Variants in ASAP1 observed in about 807,000 individuals in gnomAD.
ASAP1 encodes arf-GAP with SH3 domain, ANK repeat and PH domain-containing protein 1.
In ASAP1, 43 loss-of-function variants were observed where a neutral mutation model predicts 145.2. That is an observed-to-expected ratio of 0.30 (90% CI 0.23 to 0.38). The LOEUF (loss-of-function observed/expected upper bound fraction) is 0.38. Ranked by LOEUF, ASAP1 falls within the 10% of genes least tolerant of loss-of-function variation. The probability of loss-of-function intolerance (pLI) is 1.00; values close to 1 mark genes in which losing one functional copy is unlikely to be tolerated. For missense variants in ASAP1, 1,018 were observed against 1,355.3 expected, an observed-to-expected ratio of 0.75 and a Z score of 3.91; for synonymous variants, 546 against 515.5, an observed-to-expected ratio of 1.06 and a Z score of -0.80.
intron 3 of ASAP1, among the ~76,000 whole-genome samples, chr8:130,276,724 A>ACTCTCTCTCTCTCT (rs1471141965): frequency 3.9e-5 from 4 of 102,630 alleles, no homozygotes; most frequent in African/African-American, 1.4e-4. Context: ...ACACACACAC[A>ACTCTCTCTCTCTCT]CACACTCTCT....
At chr8:130,222,018 C>T (rs754466389) in intron 4 of ASAP1, among the ~76,000 whole-genome samples, 79 of 152,320 alleles carry the variant, frequency 5.2e-4, no homozygotes, top group Non-Finnish European at 9.6e-4. Context: ...ACCAACTATC[C>T]ATCCTTGGCC....
At chr8:130,111,921 T>C (rs1277834225) in intron 24 of ASAP1, among the ~76,000 whole-genome samples, 173 bp downstream of exon 24, 5 of 152,226 alleles carry the variant, frequency 3.3e-5, no homozygotes, top group Non-Finnish European at 5.9e-5. Context: ...GTCCTGCTCT[T>C]GGTACCTGGC....
rs2097548028 is a variant in ASAP1 at position 130,112,202 on chromosome 8, G to A, written c.2293C>T (p.Leu765Phe). The A allele has an allele frequency of 6.2e-7, 1 of 1,614,096 alleles. No individual in the cohort carries two copies. Among genetic ancestry groups the A allele is most frequent in the South Asian group, 1.1e-5 (1 of 91,090 alleles). ...TGGTTGGTGAAGGCTCCATAGGAGA[G>A]CCGCTGTTTGTCCCTTGGAGTGCTG... ...GFSTPRDKQR[L>F]SYGAFTNQIF... The change falls in exon 24 of 30, where the codon CTC becomes TTC. Residue 765 changes from leucine to phenylalanine, a missense_variant. Physicochemically the swap from Leu to Phe is conservative, Grantham distance 22. This residue lies in a region of ASAP1 where 353 missense variants were observed against 375.4 expected (regional missense o/e 0.94). Coordinates refer to ENST00000518721, the MANE Select transcript of ASAP1 (RefSeq NM_018482.4).
chr8:130,257,479 A>T (rs1392320188), intron 3 of ASAP1, among the ~76,000 whole-genome samples: 4 of 152,174 alleles, frequency 2.6e-5, no homozygotes, highest in Non-Finnish European at 5.9e-5. Context: ...ATTTCACTTC[A>T]TAAGCTTCTG....
chr8:130,162,739 AC>A (rs1468864618), intron 11 of ASAP1, among the ~76,000 whole-genome samples: 1 of 151,042 alleles, frequency 6.6e-6, no homozygotes, highest in African/African-American at 2.4e-5. Context: ...AATGGCGTGA[AC>A]CCAGGAGGCG....
chr8:130,313,365 T>G (rs576520056), intron 3 of ASAP1, among the ~76,000 whole-genome samples: 1 of 152,128 alleles, frequency 6.6e-6, no homozygotes, highest in African/African-American at 2.4e-5. Context: ...CAGCTCTCAC[T>G]CTCAATGAGA....
At position 130,183,531 on chromosome 8, in the gene ASAP1, A is replaced by G. The variant is rs1332666793; in HGVS notation, c.531-2651T>C. On this transcript the variant is annotated intron_variant, in intron 7 of 29. Transcript: ENST00000518721. The stretch of plus-strand genomic sequence containing the variant: ...AATTTTTGTATTTTTTAGTAGAGAC[A>G]AGGTTTTGCCACGTTGGTCAGGCTG... Among the ~76,000 whole-genome samples, 3 of 152,052 alleles carry G rather than the reference A, an allele frequency of 2.0e-5. No individual in the cohort carries two copies. In the East Asian group the frequency reaches 5.8e-4, roughly 29 times the overall value.
chr8:130,253,555 G>A (rs536057128), intron 3 of ASAP1, among the ~76,000 whole-genome samples: 1 of 152,312 alleles, frequency 6.6e-6, no homozygotes, highest in African/African-American at 2.4e-5. Context: ...CTTTAGATTA[G>A]TGATCTCCTA....
In ASAP1 at chr8:130,069,368, T is replaced by C. The variant is rs374385121; in HGVS notation, c.2701+6980A>G. Among the ~76,000 whole-genome samples, 408 of 152,252 alleles carry C rather than the reference T, an allele frequency of 2.7e-3. 4 individuals carry two copies. Among genetic ancestry groups the C allele is most frequent in the African/African-American group, 9.7e-3 (402 of 41,526 alleles). On this transcript the variant is annotated intron_variant, in intron 27 of 29. Transcript: ENST00000518721. ...CTCCCACTTCGGCCTCCTGAGTAGC[T>C]GGGACTACAGGCATGTGGCACCACG...
chr8:130,337,329 A>G (rs1275905218), intron 3 of ASAP1, among the ~76,000 whole-genome samples: 1 of 152,216 alleles, frequency 6.6e-6, no homozygotes, highest in African/African-American at 2.4e-5. Flanking sequence ...CACTCATATT[A>G]ATCAGTAATT....
intron 3 of ASAP1, among the ~76,000 whole-genome samples, chr8:130,283,337 T>C (rs1179306504): frequency 2.0e-5 from 3 of 151,668 alleles, no homozygotes; most frequent in African/African-American, 7.3e-5. Flanking sequence ...TCCCAGCACT[T>C]TGGGAGGCTG....
At chr8:130,215,693 G>A (rs1816857178) in intron 4 of ASAP1, among the ~76,000 whole-genome samples, 2 of 152,082 alleles carry the variant, frequency 1.3e-5, no homozygotes, top group African/African-American at 4.8e-5. Context: ...GCAGTGAGCC[G>A]AGACCGCGTC....
At chr8:130,266,687 AATTTG>A (rs1459644506) in intron 3 of ASAP1, among the ~76,000 whole-genome samples, 1 of 152,132 alleles carries the variant, frequency 6.6e-6, no homozygotes, top group African/African-American at 2.4e-5. Flanking sequence ...TTTCCCCAAT[AATTTG>A]ATTTAATACA....
In ASAP1 at chr8:130,402,216, T is replaced by C. The variant is rs545580540; in HGVS notation, c.-27-246A>G. On this transcript the variant is annotated intron_variant, in intron 1 of 29. Coordinates refer to ENST00000518721, the MANE Select transcript of ASAP1 (RefSeq NM_018482.4). ...GCTCAGGAATCCTTCTGGCATTCTA[T>C]TTCTAGCTCTACGTTGGAGAGCAAT... 7.9e-5 allele frequency among the ~76,000 whole-genome samples: 12 copies of C among 152,310 alleles called. No individual in the cohort carries two copies. In the South Asian group the frequency reaches 2.1e-3, roughly 26 times the overall value.
At chr8:130,388,382 G>A (rs1383735559) in intron 2 of ASAP1, among the ~76,000 whole-genome samples, 1 of 152,196 alleles carries the variant, frequency 6.6e-6, no homozygotes, top group Non-Finnish European at 1.5e-5. Context: ...GGTGCAGCAT[G>A]AGCTGCAAGA....
chr8:130,086,972 T>C (rs1449968397), intron 25 of ASAP1, among the ~76,000 whole-genome samples: 5 of 152,206 alleles, frequency 3.3e-5, no homozygotes, highest in African/African-American at 4.8e-5. Context: ...GCCTTGCTTA[T>C]TTCCTCCTGC....
chr8:130,146,922 A>C (rs1310453504), intron 13 of ASAP1, among the ~76,000 whole-genome samples: 1 of 152,200 alleles, frequency 6.6e-6, no homozygotes, highest in Non-Finnish European at 1.5e-5. Context: ...TAATGAAAAT[A>C]GCAATACAAA....
chr8:130,188,723 CAAAAAAAAAA>C (rs370580190), intron 5 of ASAP1, among the ~76,000 whole-genome samples: 6 of 83,844 alleles, frequency 7.2e-5, no homozygotes, highest in Admixed American at 1.6e-4. Context: ...GAGACTCTCT[CAAAAAAAAAA>C]AAAAAAAAAA....
Position 130,419,740 on chromosome 8 carries a change from T to A in ASAP1, c.-27-17770A>T, listed in dbSNP as rs1429158573. Among the ~76,000 whole-genome samples, 6 of 152,176 alleles carry A rather than the reference T, an allele frequency of 3.9e-5. No homozygotes were observed. In the East Asian group the frequency reaches 7.8e-4, roughly 20 times the overall value. Reference sequence around the variant, plus strand: ...GAGAGGGAGGCTGAGGCATCCGATCTCTTCCCTGGGGCTCCCTCTCTAGGG... The same window carrying A: ...GAGAGGGAGGCTGAGGCATCCGATCACTTCCCTGGGGCTCCCTCTCTAGGG... On this transcript the variant is annotated intron_variant, in intron 1 of 29. Transcript: ENST00000518721.
Sources: gnomAD v4.1 joint callset for allele counts (sites outside exome capture counted in the v4.1 genomes callset) on GRCh38, gnomAD v4.1.1 for gene constraint, gnomAD v4.1.1 regional missense constraint, MANE v1.5 for transcripts, NCBI Gene and HGNC (gene_info 2026-07-23, HGNC 2026-07-21) for gene names.